The following DAB1 variants were observed in gnomAD, a reference collection of about 807,000 sequenced individuals.
The protein encoded by DAB1 is disabled homolog 1.
In DAB1, 15 loss-of-function variants were observed where a neutral mutation model predicts 64.6. That is an observed-to-expected ratio of 0.23 (90% CI 0.16 to 0.36). DAB1 has a LOEUF of 0.36. DAB1 is among the 10% of genes least tolerant of loss of function. DAB1 has a pLI of 1.00. For synonymous variants in DAB1, 235 were observed against 251.9 expected, an observed-to-expected ratio of 0.93 and a Z score of 0.64; for missense variants, 596 against 706.7, an observed-to-expected ratio of 0.84 and a Z score of 1.78.
At chr1:57,606,528 AAT>A (rs1645644084) in intron 7 of DAB1, among the ~76,000 whole-genome samples, 2 of 58,934 alleles carry the variant, frequency 3.4e-5, no homozygotes, top group Admixed American at 2.1e-4. Flanking sequence ...TATAATATAT[AAT>A]ATATATGAAA....
chr1:57,881,611 C>G (rs1041171395), intron 1 of DAB1, among the ~76,000 whole-genome samples: 1 of 152,170 alleles, frequency 6.6e-6, no homozygotes, highest in Non-Finnish European at 1.5e-5. Flanking sequence ...TTAAACTATG[C>G]AGACACAATA....
chr1:58,304,249 C>G (rs1021209166), intron 4 of DAB1, among the ~76,000 whole-genome samples: 1 of 152,164 alleles, frequency 6.6e-6, no homozygotes, highest in Non-Finnish European at 1.5e-5. Flanking sequence ...GTAATTTCCA[C>G]TCACTGGTCA....
At position 58,233,297 on chromosome 1, in the gene DAB1, A is replaced by G. The variant is rs550709446; in HGVS notation, n.310-82709T>C. On this transcript the variant is annotated intron_variant and non_coding_transcript_variant, in intron 4 of 20. Transcript: ENST00000485760. ...TAATTTCAATCTCCATAACAACTTGATGAGTAGGTATCATTATCCCCAATT... is the reference window on the plus strand; with the variant it reads ...TAATTTCAATCTCCATAACAACTTGGTGAGTAGGTATCATTATCCCCAATT... Among the ~76,000 whole-genome samples, 5 of 152,308 alleles carry G rather than the reference A, an allele frequency of 3.3e-5. No homozygotes were observed. In the South Asian group the frequency reaches 8.3e-4, roughly 25 times the overall value.
chr1:57,574,536 C>G (rs748005715), intron 7 of DAB1, among the ~76,000 whole-genome samples: 3 of 152,206 alleles, frequency 2.0e-5, no homozygotes, highest in Non-Finnish European at 2.9e-5. Flanking sequence ...CACACAGGTT[C>G]AAACTGACCA....
At chr1:57,693,903 A>G (rs144995432) in intron 6 of DAB1, among the ~76,000 whole-genome samples, 23 of 152,266 alleles carry the variant, frequency 1.5e-4, no homozygotes, top group African/African-American at 5.3e-4. Context: ...CAGACACACT[A>G]TGAGTGGTCT....
chr1:57,369,710 T>TGCTA (rs1003027409), intron 1 of DAB1, among the ~76,000 whole-genome samples: 2 of 152,220 alleles, frequency 1.3e-5, no homozygotes, highest in African/African-American at 4.8e-5. Context: ...ATCAAGGCTC[T>TGCTA]GCTAGGCACC....
At chr1:57,231,550 A>G (rs1051906184) in intron 2 of DAB1, among the ~76,000 whole-genome samples, 1 of 152,262 alleles carries the variant, frequency 6.6e-6, no homozygotes, top group African/African-American at 2.4e-5. Context: ...TACTGATTAC[A>G]TGCTGTATGC....
At chr1:57,292,453 A>G (rs1186161368) in intron 1 of DAB1, among the ~76,000 whole-genome samples, 1 of 152,172 alleles carries the variant, frequency 6.6e-6, no homozygotes, top group East Asian at 1.9e-4. Flanking sequence ...TTATCTTTGT[A>G]AAACAGGGTC....
chr1:57,139,347 G>A (rs1658387951), intron 3 of DAB1, among the ~76,000 whole-genome samples: 2 of 152,246 alleles, frequency 1.3e-5, no homozygotes, highest in African/African-American at 4.8e-5. Context: ...GCACCATCTT[G>A]GAAGCAGAGA....
chr1:58,356,555 A>G (rs1644113571), intron 3 of DAB1, among the ~76,000 whole-genome samples: 1 of 152,130 alleles, frequency 6.6e-6, no homozygotes, highest in South Asian at 2.1e-4. Context: ...CAAGCAGAGA[A>G]CCAGCATGTA....
At chr1:58,281,225 C>A (rs1204536114) in intron 4 of DAB1, among the ~76,000 whole-genome samples, 2 of 152,234 alleles carry the variant, frequency 1.3e-5, no homozygotes, top group Admixed American at 1.3e-4. Context: ...CCATTGTTAT[C>A]TTTGCCTACT....
At chr1:57,998,891 T>A (rs1313910770) in intron 5 of DAB1, among the ~76,000 whole-genome samples, 1 of 152,208 alleles carries the variant, frequency 6.6e-6, no homozygotes, top group East Asian at 1.9e-4. Flanking sequence ...AGTATGTACA[T>A]GGATTATCAA....
rs566488693 is a variant in DAB1, at chr1:57,609,691, A to G, written n.625+39901T>C. On this transcript the variant is annotated intron_variant and non_coding_transcript_variant, in intron 7 of 20. Transcript: ENST00000485760. ...AATAAAGTAACATGAAGGCACTTTG[A>G]AAATTCTAAAAGGCAAAATAAATCT... 2.6e-5 allele frequency among the ~76,000 whole-genome samples: 4 copies of G among 152,344 alleles called. No individual in the cohort carries two copies. In the South Asian group the frequency reaches 8.3e-4, roughly 32 times the overall value.
At chr1:58,530,531 T>C (rs2271004) in intron 1 of DAB1, 115,740 of 752,426 alleles carry the variant, frequency 0.15, 9,997 homozygotes, top group Admixed American at 0.3. Flanking sequence ...CTGGATTTGC[T>C]GCTTTACAGT....
intron 7 of DAB1, among the ~76,000 whole-genome samples, chr1:57,611,700 C>T (rs1186620446): frequency 1.3e-5 from 2 of 152,286 alleles, no homozygotes; most frequent in East Asian, 1.9e-4. Context: ...ACTGATATCA[C>T]CCAAACTCAA....
At chr1:58,534,455 A>G (rs1646485433) in intron 1 of DAB1, 1 of 559,212 alleles carries the variant, frequency 1.8e-6, no homozygotes, top group Non-Finnish European at 3.1e-6. Flanking sequence ...AAAAATCTGC[A>G]TATATTAAGC....
chr1:57,991,510 G>A (rs1570183875), intron 5 of DAB1, among the ~76,000 whole-genome samples: 1 of 151,916 alleles, frequency 6.6e-6, no homozygotes, highest in African/African-American at 2.4e-5. Context: ...TGTGACTGCC[G>A]AAGCACAGAA....
chr1:57,834,416 G>A (rs1652719038), intron 1 of DAB1, among the ~76,000 whole-genome samples: 1 of 152,134 alleles, frequency 6.6e-6, no homozygotes. Flanking sequence ...AGTAATTATT[G>A]TGGAATAGAT....
At chr1:57,707,215 AT>A (rs1469165532) in intron 6 of DAB1, among the ~76,000 whole-genome samples, 2 of 152,158 alleles carry the variant, frequency 1.3e-5, no homozygotes, top group Non-Finnish European at 2.9e-5. Context: ...TCTCATCTCT[AT>A]AATTTTGTCA....
Sources: allele counts gnomAD v4.1 joint callset (sites outside exome capture counted in the v4.1 genomes callset), GRCh38; gene constraint gnomAD v4.1.1; transcripts MANE v1.5; gene names NCBI Gene and HGNC (gene_info 2026-07-23, HGNC 2026-07-21).